Variants in DLGAP2 observed in about 807,000 individuals in gnomAD.
The protein encoded by DLGAP2 is DLG associated protein 2.
A neutral mutation model predicts 100.3 loss-of-function variants in DLGAP2; 26 were observed. The observed-to-expected ratio is 0.26, with a 90% CI of 0.19 to 0.36. DLGAP2 has a LOEUF of 0.36. DLGAP2 is among the 10% of genes least tolerant of loss of function. The probability of loss-of-function intolerance (pLI) is 1.00; values close to 1 mark genes in which losing one functional copy is unlikely to be tolerated. For synonymous variants in DLGAP2, 886 were observed against 630.1 expected (o/e 1.41, Z -6.08); for missense variants, 1,858 against 1,453.2 (o/e 1.28, Z -4.53).
chr8:1,585,702 A>C (rs1303625288), intron 6 of DLGAP2, among the ~76,000 whole-genome samples: 1 of 152,168 alleles, frequency 6.6e-6, no homozygotes, highest in African/African-American at 2.4e-5. Context: ...CCGTGCCCCC[A>C]CCACCCAGCC....
chr8:1,705,135 T>C lies in DLGAP2; in HGVS notation c.*3729T>C, dbSNP rs562728527. 3.9e-5 allele frequency: 6 copies of C among 152,372 alleles called. No individual in the cohort carries two copies. In the East Asian group the frequency reaches 1.2e-3, roughly 29 times the overall value. The allele number at this position is 152,372 out of a possible 1,614,324, so 9.4% of individuals were successfully genotyped here. A position where few individuals can be genotyped will look rare whatever the true frequency, so the allele number is the denominator to read the frequency against. On this transcript the variant is annotated 3_prime_UTR_variant, in exon 15 of 15. Transcript: ENST00000637795. ...TGCAGCGCCTGTGGTAACTGTGGAA[T>C]GAGCTCTGTTAGGGACAGTTGTCTG...
At chr8:1,389,801 C>G (rs1036898125) in intron 3 of DLGAP2, among the ~76,000 whole-genome samples, 1 of 152,080 alleles carries the variant, frequency 6.6e-6, no homozygotes, top group Non-Finnish European at 1.5e-5. Flanking sequence ...CAGAGCGAGC[C>G]TTCCCTGCAA....
At chr8:1,424,562 C>G (rs1797187089) in intron 3 of DLGAP2, among the ~76,000 whole-genome samples, 1 of 152,230 alleles carries the variant, frequency 6.6e-6, no homozygotes, top group African/African-American at 2.4e-5. Flanking sequence ...GTGAAATAAG[C>G]CATCACAAAA....
intron 4 of DLGAP2, among the ~76,000 whole-genome samples, chr8:1,542,909 G>C (rs943928934): frequency 2.0e-5 from 3 of 152,114 alleles, no homozygotes; most frequent in African/African-American, 7.2e-5. Flanking sequence ...GTCCACTCCA[G>C]GGGGCTTGAG....
chr8:1,654,644 A>G (rs1798242200), intron 8 of DLGAP2, among the ~76,000 whole-genome samples: 1 of 149,506 alleles, frequency 6.7e-6, no homozygotes, highest in Admixed American at 6.7e-5. Flanking sequence ...CTGGGTGACA[A>G]GAGTGAAACT....
chr8:1,408,189 G>T (rs1278176907), intron 3 of DLGAP2, among the ~76,000 whole-genome samples: 3 of 152,204 alleles, frequency 2.0e-5, no homozygotes, highest in Non-Finnish European at 4.4e-5. Flanking sequence ...TCCCGTAGTT[G>T]AAGAACACAG....
At chr8:1,200,671 A>G (rs1027168400) in intron 2 of DLGAP2, among the ~76,000 whole-genome samples, 1 of 152,148 alleles carries the variant, frequency 6.6e-6, no homozygotes, top group Admixed American at 6.5e-5. Flanking sequence ...GCCTCAGGGG[A>G]GCGCACAGCC....
chr8:1,387,715 G>A (rs1026200933), intron 3 of DLGAP2, among the ~76,000 whole-genome samples: 2 of 152,200 alleles, frequency 1.3e-5, no homozygotes, highest in South Asian at 2.1e-4. Context: ...TGACTGGTAG[G>A]GGTGAAGGGT....
chr8:912,432 C>G (rs1008008384), intron 2 of DLGAP2, among the ~76,000 whole-genome samples: 1 of 152,170 alleles, frequency 6.6e-6, no homozygotes, highest in Non-Finnish European at 1.5e-5. Flanking sequence ...TGTGCTGGTC[C>G]GCGTTTATCA....
At chr8:1,509,055 G>A (rs1443873380) in intron 4 of DLGAP2, among the ~76,000 whole-genome samples, 6 of 152,068 alleles carry the variant, frequency 3.9e-5, no homozygotes, top group African/African-American at 2.4e-5. Flanking sequence ...AGACTAGGCC[G>A]GGCACGGTGG....
intron 1 of DLGAP2, chr8:883,063 C>T (rs1797843296): frequency 6.6e-6 from 1 of 152,386 alleles, no homozygotes; most frequent in Non-Finnish European, 1.5e-5. Context: ...TCTGCAGGGC[C>T]AGGTCAGATG....
At chr8:1,450,367 T>G (rs4439156) in intron 3 of DLGAP2, among the ~76,000 whole-genome samples, 761 of 21,554 alleles carry the variant, frequency 0.035, 8 homozygotes, top group Middle Eastern at 0.1. Flanking sequence ...TGGCTGAGGC[T>G]GAGCTGTGAG....
chr8:1,442,372 G>A (rs1488269321), intron 3 of DLGAP2, among the ~76,000 whole-genome samples: 2 of 151,426 alleles, frequency 1.3e-5, no homozygotes, highest in Non-Finnish European at 2.9e-5. Flanking sequence ...GCTGCTGTGG[G>A]TTCAGCCACT....
chr8:1,107,425 G>A (rs1352648462), intron 2 of DLGAP2, among the ~76,000 whole-genome samples: 1 of 152,186 alleles, frequency 6.6e-6, no homozygotes, highest in African/African-American at 2.4e-5. Flanking sequence ...TTCCAGAGGC[G>A]TCCAAAGGAA....
chr8:860,213 C>T (rs796837523), intron 1 of DLGAP2, among the ~76,000 whole-genome samples: 24 of 152,218 alleles, frequency 1.6e-4, no homozygotes, highest in African/African-American at 5.1e-4. Context: ...AGGTGGCCTT[C>T]GTTATGTAAA....
intron 1 of DLGAP2, among the ~76,000 whole-genome samples, chr8:857,088 T>C (rs1329954586): frequency 6.6e-6 from 1 of 152,166 alleles, no homozygotes; most frequent in Non-Finnish European, 1.5e-5. Context: ...CAGCTGATCT[T>C]TGATGAAGGA....
intron 2 of DLGAP2, among the ~76,000 whole-genome samples, chr8:1,080,133 G>A (rs12675046): frequency 0.032 from 4,886 of 152,316 alleles, 207 homozygotes; most frequent in East Asian, 0.14. Context: ...AGGTTCGCTG[G>A]GGGGTTGCAG....
chr8:1,610,221 A>G (rs1796950578), intron 6 of DLGAP2, among the ~76,000 whole-genome samples: 2 of 152,270 alleles, frequency 1.3e-5, no homozygotes, highest in South Asian at 4.1e-4. Flanking sequence ...ACTAGAACTC[A>G]GGATTAAGAA....
At chr8:779,449 C>G (rs1821627141) in intron 1 of DLGAP2, among the ~76,000 whole-genome samples, 1 of 150,090 alleles carries the variant, frequency 6.7e-6, no homozygotes, top group Non-Finnish European at 1.5e-5. Context: ...CTCTTCTTTT[C>G]TTTTCCCTTC....
Sources: allele counts gnomAD v4.1 joint callset (sites outside exome capture counted in the v4.1 genomes callset), GRCh38; gene constraint gnomAD v4.1.1; transcripts MANE v1.5; gene names NCBI Gene and HGNC (gene_info 2026-07-23, HGNC 2026-07-21).